The following ADAM23 variants were observed in gnomAD, a reference collection of about 807,000 sequenced individuals.
The protein encoded by ADAM23 is disintegrin and metalloproteinase domain-containing protein 23.
A neutral mutation model predicts 120.1 loss-of-function variants in ADAM23; 33 were observed. That is an observed-to-expected ratio of 0.27 (90% CI 0.21 to 0.37). The LOEUF (loss-of-function observed/expected upper bound fraction) is 0.37, where lower values mean the gene tolerates loss of function less well. Among genes scored for constraint, ADAM23 ranks in the 10% least tolerant of loss-of-function variants. ADAM23 has a pLI of 1.00. For missense variants in ADAM23, 862 were observed against 1,058.2 expected (o/e 0.81, Z 2.57); for synonymous variants, 367 against 375.2 (o/e 0.98, Z 0.25).
chr2:206,509,803 A>G (rs1006454046), intron 3 of ADAM23, among the ~76,000 whole-genome samples: 1 of 152,214 alleles, frequency 6.6e-6, no homozygotes, highest in Non-Finnish European at 1.5e-5. Flanking sequence ...TATTATTTTC[A>G]TAGTTAAAAT....
chr2:206,480,505 T>C (rs918532412), intron 2 of ADAM23, among the ~76,000 whole-genome samples: 36 of 151,960 alleles, frequency 2.4e-4, no homozygotes, highest in Non-Finnish European at 4.4e-5. Context: ...GAGAGTTTTA[T>C]GTTAGCTAAT....
At chr2:206,526,438 C>T (rs12612168) in intron 3 of ADAM23, among the ~76,000 whole-genome samples, 17,905 of 152,160 alleles carry the variant, frequency 0.12, 1,177 homozygotes, top group East Asian at 0.21. Flanking sequence ...CCCCACACTG[C>T]GATATAGTGC....
At chr2:206,458,798 C>T (rs756960177) in intron 2 of ADAM23, among the ~76,000 whole-genome samples, 7 of 152,164 alleles carry the variant, frequency 4.6e-5, no homozygotes, top group South Asian at 2.1e-4. Context: ...ACTCACCAAA[C>T]GAAACCAAAC....
chr2:206,493,204 A>G (rs1574495459), intron 3 of ADAM23, among the ~76,000 whole-genome samples: 1 of 152,324 alleles, frequency 6.6e-6, no homozygotes, highest in East Asian at 1.9e-4. Flanking sequence ...AAAATTAATT[A>G]TAAATTAGAA....
chr2:206,560,513 G>A (rs1183210186), intron 11 of ADAM23, among the ~76,000 whole-genome samples: 1 of 152,158 alleles, frequency 6.6e-6, no homozygotes, highest in East Asian at 1.9e-4. Flanking sequence ...CAAATCATTT[G>A]CTAGGTGTTA....
chr2:206,603,094 C>T (rs187445877), intron 24 of ADAM23, among the ~76,000 whole-genome samples: 3 of 151,884 alleles, frequency 2.0e-5, no homozygotes, highest in Admixed American at 6.5e-5. Flanking sequence ...CATCGTGTGT[C>T]CAGCATAGTT....
chr2:206,508,749 C>T lies in ADAM23; in HGVS notation c.510-22136C>T, dbSNP rs1271253229. 2.0e-5 allele frequency among the ~76,000 whole-genome samples: 3 copies of T among 151,800 alleles called. No individual in the cohort carries two copies. The South Asian group carries it at 6.2e-4, about 32-fold the overall frequency. On this transcript the variant is annotated intron_variant, in intron 3 of 25. Coordinates refer to ENST00000264377, the MANE Select transcript of ADAM23 (RefSeq NM_003812.4). ...TCAAATATCACCTAATGAAGCTAAA[C>T]ATAGCATGCATTGAGGTACCTACTA...
At chr2:206,522,157 A>C (rs191484098) in intron 3 of ADAM23, among the ~76,000 whole-genome samples, 8 of 151,968 alleles carry the variant, frequency 5.3e-5, no homozygotes, top group Admixed American at 4.6e-4. Context: ...ATATATATAT[A>C]TCTCTGTGTA....
At chr2:206,556,238 TTTG>T (rs1166862818) in intron 9 of ADAM23, among the ~76,000 whole-genome samples, 4 of 152,258 alleles carry the variant, frequency 2.6e-5, no homozygotes, top group South Asian at 2.1e-4. Flanking sequence ...AATCAGTGTT[TTTG>T]TTGTTATAAA....
rs116528442 is a variant in ADAM23 at position 206,548,649 on chromosome 2, G to A, written c.867+295G>A. Among the ~76,000 whole-genome samples the A allele has an allele frequency of 6.8e-3, 1,036 of 152,144 alleles. 22 individuals are homozygous for A. Among genetic ancestry groups the A allele is most frequent in the African/African-American group, 0.023 (962 of 41,520 alleles). ...TGTTTTCTGATGATAATTGCAGTGC[G>A]TTTTATTTTCTATTTAAAGTACAGC... On this transcript the variant is annotated intron_variant, in intron 8 of 25. Transcript: ENST00000264377.
intron 3 of ADAM23, among the ~76,000 whole-genome samples, chr2:206,524,639 CAA>C (rs1159712463): frequency 5.3e-5 from 8 of 152,208 alleles, no homozygotes; most frequent in African/African-American, 1.2e-4. Flanking sequence ...TGGTGGCAGA[CAA>C]GAGAGAATGC....
chr2:206,477,895 A>ATATATAT lies in ADAM23; in HGVS notation c.433-3337_433-3336insTATATAT, dbSNP rs1553548627. 6.2e-3 allele frequency among the ~76,000 whole-genome samples: 633 copies of ATATATAT among 101,898 alleles called. 2 individuals are homozygous for ATATATAT. Among genetic ancestry groups the ATATATAT allele is most frequent in the Non-Finnish European group, 7.8e-3 (413 of 53,262 alleles). The allele number at this position is 101,898 out of a possible 152,430, so 66.8% of individuals were successfully genotyped here. ...AATATTCTGTTAAAAAAAAAAAAAA[A>ATATATAT]AAATATATATATATATATATATATA... On this transcript the variant is annotated intron_variant, in intron 2 of 25. Coordinates refer to ENST00000264377, the MANE Select transcript of ADAM23 (RefSeq NM_003812.4).
chr2:206,587,381 C>T lies in ADAM23; in HGVS notation c.1788+6C>T, dbSNP rs1698343247. 1 of 1,596,868 alleles carries T rather than the reference C, an allele frequency of 6.3e-7. No individual in the cohort carries two copies. Among genetic ancestry groups the T allele is most frequent in the African/African-American group, 1.3e-5 (1 of 74,358 alleles). On this transcript the variant is annotated splice_donor_region_variant and intron_variant, in intron 19 of 25. Transcript: ENST00000264377. ...ATGCATGCAATCAAAATCAGGTATGCTGGGCTATAAATTTTAAGTGTAATT... is the reference window on the plus strand; with the variant it reads ...ATGCATGCAATCAAAATCAGGTATGTTGGGCTATAAATTTTAAGTGTAATT...
intron 18 of ADAM23, among the ~76,000 whole-genome samples, chr2:206,573,678 C>T (rs1393201974): frequency 1.3e-5 from 2 of 151,878 alleles, no homozygotes; most frequent in Non-Finnish European, 2.9e-5. Flanking sequence ...ATATGTTCAC[C>T]AAGCAGCACA....
chr2:206,506,038 C>T (rs976384116), intron 3 of ADAM23, among the ~76,000 whole-genome samples: 10 of 152,260 alleles, frequency 6.6e-5, no homozygotes, highest in Admixed American at 6.5e-4. Flanking sequence ...TGTGTTGACA[C>T]TTTATAGAAT....
chr2:206,561,066 T>G (rs1401602086), intron 11 of ADAM23, 62 bp from the exon 12 acceptor site: 2 of 1,428,928 alleles, frequency 1.4e-6, no homozygotes, highest in East Asian at 2.3e-5. Context: ...AGACATATTT[T>G]GGGAGAGTAT....
At chr2:206,540,801 T>G (rs1330410648) in intron 4 of ADAM23, among the ~76,000 whole-genome samples, 1 of 152,004 alleles carries the variant, frequency 6.6e-6, no homozygotes, top group Non-Finnish European at 1.5e-5. Flanking sequence ...GCCTGCCCTG[T>G]GGAGCCAGAT....
At chr2:206,603,620 C>T (rs1194942259) in intron 24 of ADAM23, among the ~76,000 whole-genome samples, 1 of 152,128 alleles carries the variant, frequency 6.6e-6, no homozygotes, top group African/African-American at 2.4e-5. Context: ...TATTCTTTCT[C>T]ATTGGAGATT....
intron 3 of ADAM23, among the ~76,000 whole-genome samples, chr2:206,516,210 A>G (rs752593680): frequency 6.6e-6 from 1 of 151,398 alleles, no homozygotes; most frequent in East Asian, 1.9e-4. Context: ...TGAAGCTTAC[A>G]TGGAAGATTT....
Sources: allele counts gnomAD v4.1 joint callset (sites outside exome capture counted in the v4.1 genomes callset), GRCh38; gene constraint gnomAD v4.1.1; transcripts MANE v1.5; gene names NCBI Gene and HGNC (gene_info 2026-07-23, HGNC 2026-07-21).